LINGO1: variants seen among roughly 807,000 people sequenced by gnomAD.
The protein encoded by LINGO1 is leucine rich repeat and Ig domain containing 1.
LINGO1 carries 11 observed loss-of-function variants against 37.3 expected under a neutral mutation model. The ratio of observed to expected loss-of-function variants is 0.29; its 90% confidence interval spans 0.19 to 0.49. The LOEUF (loss-of-function observed/expected upper bound fraction) is 0.49. Ranked by LOEUF, LINGO1 falls within the 20% of genes least tolerant of loss-of-function variation. The probability of loss-of-function intolerance (pLI) is 0.99; values close to 1 mark genes in which losing one functional copy is unlikely to be tolerated. For synonymous variants in LINGO1, 387 were observed against 403.0 expected (o/e 0.96, Z 0.48); for missense variants, 585 against 878.2 (o/e 0.67, Z 4.22).
chr15:77,665,933 G>A (rs780504909), intron 3 of LINGO1, among the ~76,000 whole-genome samples: 11 of 152,220 alleles, frequency 7.2e-5, no homozygotes, highest in Non-Finnish European at 1.3e-4. Flanking sequence ...CCCACACGGT[G>A]CTCTGGTTCT....
chr15:77,664,162 T>TGCGCGCGCGC (rs1245826540), intron 3 of LINGO1, among the ~76,000 whole-genome samples: 35 of 113,140 alleles, frequency 3.1e-4, no homozygotes, highest in South Asian at 7.4e-4. Context: ...TGTGTGTGTG[T>TGCGCGCGCGC]GTGTGTGTGC....
intron 2 of LINGO1, among the ~76,000 whole-genome samples, chr15:77,688,689 C>G (rs1197690732): frequency 6.6e-6 from 1 of 152,176 alleles, no homozygotes; most frequent in Non-Finnish European, 1.5e-5. Flanking sequence ...TTATACCCCA[C>G]CTCCCTCCAA....
intron 1 of LINGO1, among the ~76,000 whole-genome samples, chr15:77,741,124 A>C (rs1235616371): frequency 1.3e-5 from 2 of 152,222 alleles, no homozygotes; most frequent in East Asian, 3.8e-4. Context: ...GGCAAGAGGC[A>C]CCTGAAGTGC....
upstream of LINGO1, among the ~76,000 whole-genome samples, chr15:77,787,547 T>C (rs556265737): frequency 5.8e-4 from 49 of 84,636 alleles, no homozygotes; most frequent in East Asian, 0.015. Context: ...GGCTGGGGAC[T>C]GGAGGGGGCT....
intron 2 of LINGO1, among the ~76,000 whole-genome samples, chr15:77,727,862 C>T (rs373511000): frequency 1.3e-5 from 2 of 152,252 alleles, no homozygotes; most frequent in East Asian, 3.9e-4. Flanking sequence ...GGTGGCAATG[C>T]GGATTCAAAG....
At chr15:77,697,297 C>T (rs576460943), upstream of LINGO1, among the ~76,000 whole-genome samples, 5 of 152,168 alleles carry the variant, frequency 3.3e-5, no homozygotes, top group Non-Finnish European at 7.4e-5. Context: ...CTGCAGACCC[C>T]AGGCTCTGTT....
At chr15:77,685,793 A>C (rs971869230) in intron 2 of LINGO1, among the ~76,000 whole-genome samples, 1 of 152,012 alleles carries the variant, frequency 6.6e-6, no homozygotes, top group African/African-American at 2.4e-5. Context: ...TGAGGCTTCC[A>C]TGAGCCATGA....
At chr15:77,662,457 A>G (rs2141173568) in intron 3 of LINGO1, among the ~76,000 whole-genome samples, 1 of 152,210 alleles carries the variant, frequency 6.6e-6, no homozygotes, top group South Asian at 2.1e-4. Context: ...GCCCCAACTG[A>G]GAACATGACC....
rs769337165 is a variant in LINGO1, at chr15:77,706,016, G to A, written c.-194-15115C>T. On this transcript the variant is annotated intron_variant, in intron 2 of 3. Coordinates refer to the LINGO1 transcript ENST00000561686. ...CCAGCTGTGTGGCCCGGGGTGGGCCGCACTTTACCTTTCTAAGCTTTGGAT... is the reference window on the plus strand; with the variant it reads ...CCAGCTGTGTGGCCCGGGGTGGGCCACACTTTACCTTTCTAAGCTTTGGAT... Among the ~76,000 whole-genome samples, 257 of 152,304 alleles carry A rather than the reference G, an allele frequency of 1.7e-3. 1 individual carries two copies. Among genetic ancestry groups the A allele is most frequent in the Non-Finnish European group, 2.7e-3 (181 of 68,024 alleles).
intron 3 of LINGO1, among the ~76,000 whole-genome samples, chr15:77,642,509 C>T (rs909371966): frequency 3.9e-5 from 6 of 152,252 alleles, no homozygotes; most frequent in South Asian, 2.1e-4. Flanking sequence ...GAGATGTTCC[C>T]TTCCAGGCAG....
chr15:77,636,265 G>C (rs892076687), upstream of LINGO1, among the ~76,000 whole-genome samples: 18 of 152,342 alleles, frequency 1.2e-4, no homozygotes, highest in African/African-American at 3.4e-4. Flanking sequence ...ACAGAAAGGA[G>C]AGGGTGGCAC....
chr15:77,647,201 G>A (rs1215481725), intron 3 of LINGO1, among the ~76,000 whole-genome samples: 2 of 152,120 alleles, frequency 1.3e-5, no homozygotes, highest in Non-Finnish European at 2.9e-5. Context: ...TGGAAGTCTA[G>A]GGATGGGCAG....
intron 2 of LINGO1, among the ~76,000 whole-genome samples, chr15:77,727,054 G>A (rs2076109301): frequency 6.6e-6 from 1 of 152,244 alleles, no homozygotes; most frequent in Non-Finnish European, 1.5e-5. Flanking sequence ...CCTCACCTCA[G>A]ATAGGGATGG....
chr15:77,705,989 T>C (rs2141283857), intron 2 of LINGO1, among the ~76,000 whole-genome samples: 1 of 152,338 alleles, frequency 6.6e-6, no homozygotes, highest in South Asian at 2.1e-4. Context: ...CTTGGAGTGC[T>C]GCCAGCTGTG....
At chr15:77,783,336 G>A (rs1299090496) in intron 1 of LINGO1, among the ~76,000 whole-genome samples, 1 of 152,178 alleles carries the variant, frequency 6.6e-6, no homozygotes, top group East Asian at 1.9e-4. Flanking sequence ...CAAGTGATGA[G>A]CGGGTGAATG....
chr15:77,681,671 A>C lies in LINGO1; in HGVS notation c.-98-4497T>G, dbSNP rs576903552. On this transcript the variant is annotated intron_variant, in intron 2 of 3. Transcript: ENST00000559893. ...TGCCAAGGGTGTGGGGGGGCTGAAA[A>C]CAGAGGACAAAGGTTCAGAGGCAAA... 2.6e-5 allele frequency among the ~76,000 whole-genome samples: 4 copies of C among 152,236 alleles called. No homozygotes were observed. In the East Asian group the frequency reaches 7.7e-4, roughly 29 times the overall value.
chr15:77,751,182 T>C (rs1174394950), intron 1 of LINGO1, among the ~76,000 whole-genome samples: 1 of 151,092 alleles, frequency 6.6e-6, no homozygotes, highest in Non-Finnish European at 1.5e-5. Flanking sequence ...ACTCATGCTA[T>C]GCCCTCAAGA....
chr15:77,654,681 G>A (rs945715338), intron 3 of LINGO1, among the ~76,000 whole-genome samples: 6 of 152,262 alleles, frequency 3.9e-5, no homozygotes, highest in South Asian at 4.2e-4. Flanking sequence ...GAAAGGGCTC[G>A]AGAGCTGGAC....
intron 2 of LINGO1, among the ~76,000 whole-genome samples, chr15:77,713,668 G>T (rs1467302182): frequency 6.6e-6 from 1 of 152,132 alleles, no homozygotes; most frequent in African/African-American, 2.4e-5. Context: ...TGGTGAAATA[G>T]AATCAGGTTT....
Sources: gnomAD v4.1 joint callset for allele counts (sites outside exome capture counted in the v4.1 genomes callset) on GRCh38, gnomAD v4.1.1 for gene constraint, MANE v1.5 for transcripts, NCBI Gene and HGNC (gene_info 2026-07-23, HGNC 2026-07-21) for gene names.